EBF1: variants seen among roughly 807,000 people sequenced by gnomAD.
EBF1 encodes EBF transcription factor 1, also known as transcription factor COE1.
A neutral mutation model predicts 68.4 loss-of-function variants in EBF1; 10 were observed. The observed-to-expected ratio is 0.15, with a 90% CI of 0.09 to 0.25. The LOEUF (loss-of-function observed/expected upper bound fraction) is 0.25, where lower values mean the gene tolerates loss of function less well. EBF1 is among the 10% of genes least tolerant of loss of function. The pLI is 1.00. For synonymous variants in EBF1, 298 were observed against 299.8 expected (o/e 0.99, Z 0.06); for missense variants, 509 against 794.4 (o/e 0.64, Z 4.32).
intron 6 of EBF1, among the ~76,000 whole-genome samples, chr5:159,039,835 A>C: frequency 6.6e-6 from 1 of 152,238 alleles, no homozygotes; most frequent in Non-Finnish European, 1.5e-5. Context: ...GAATGAGTAC[A>C]GACCACCATT....
At chr5:159,095,543 G>T (rs1270873566) in intron 4 of EBF1, 77 bp downstream of exon 4, 14 of 1,549,840 alleles carry the variant, frequency 9.0e-6, no homozygotes, top group African/African-American at 1.4e-5. Flanking sequence ...GCCCACCTGC[G>T]GTGGAGCAAC....
intron 11 of EBF1, among the ~76,000 whole-genome samples, chr5:158,728,755 G>C (rs1444920481): frequency 2.0e-5 from 3 of 152,110 alleles, no homozygotes; most frequent in African/African-American, 7.2e-5. Context: ...TGTAGAGATA[G>C]GGTTTTGTGA....
intron 10 of EBF1, among the ~76,000 whole-genome samples, chr5:158,734,952 A>G (rs1268137724): frequency 6.6e-6 from 1 of 152,190 alleles, no homozygotes; most frequent in African/African-American, 2.4e-5. Context: ...CATTATCCCA[A>G]ATAGAAAAGC....
intron 6 of EBF1, among the ~76,000 whole-genome samples, chr5:159,035,690 T>A (rs1425838890): frequency 6.6e-6 from 1 of 152,192 alleles, no homozygotes; most frequent in Admixed American, 6.5e-5. Flanking sequence ...TGACTGACAT[T>A]ATCATTTTTA....
chr5:159,075,716 A>G (rs1329145669), intron 5 of EBF1, among the ~76,000 whole-genome samples: 1 of 152,188 alleles, frequency 6.6e-6, no homozygotes, highest in African/African-American at 2.4e-5. Flanking sequence ...TCACTGCCCA[A>G]GACTTTTTAA....
intron 6 of EBF1, among the ~76,000 whole-genome samples, chr5:158,937,595 A>G (rs1026900826): frequency 1.3e-5 from 2 of 152,226 alleles, no homozygotes; most frequent in Admixed American, 6.5e-5. Flanking sequence ...GGATGTAATT[A>G]CAGAAAGGAA....
intron 6 of EBF1, among the ~76,000 whole-genome samples, chr5:159,009,029 C>T (rs1343983070): frequency 1.3e-5 from 2 of 152,170 alleles, no homozygotes; most frequent in African/African-American, 4.8e-5. Context: ...CAGTGGAAAG[C>T]TCTCCCAGCC....
chr5:158,771,621 G>T (rs1235340935), intron 10 of EBF1, among the ~76,000 whole-genome samples: 1 of 152,096 alleles, frequency 6.6e-6, no homozygotes, highest in Non-Finnish European at 1.5e-5. Flanking sequence ...GAAGCTTGTG[G>T]ACTTTTTATG....
chr5:158,769,963 C>T (rs1773544332), intron 10 of EBF1, among the ~76,000 whole-genome samples: 2 of 151,656 alleles, frequency 1.3e-5, no homozygotes, highest in Admixed American at 1.3e-4. Flanking sequence ...CCTCTTTCAG[C>T]TGAATCCCTA....
rs1485069512 is a variant in EBF1, at chr5:158,958,562, G to A, written c.554+114834C>T. 1.1e-4 allele frequency among the ~76,000 whole-genome samples: 16 copies of A among 152,190 alleles called. No individual in the cohort carries two copies. The East Asian group carries it at 1.4e-3, about 13-fold the overall frequency. On this transcript the variant is annotated intron_variant, in intron 6 of 15. Transcript: ENST00000313708. ...CTGATGGTTTCCTGATTAGCATCAA[G>A]GCAAAAGCAGCATGTTTTTCATAGG...
intron 6 of EBF1, among the ~76,000 whole-genome samples, chr5:158,976,552 A>C (rs1371141275): frequency 1.3e-5 from 2 of 152,070 alleles, no homozygotes; most frequent in African/African-American, 2.4e-5. Flanking sequence ...TATTGATCAC[A>C]ATTAGATCAT....
rs556796823 is a variant in EBF1, at chr5:158,698,305, GA to G, written c.*805del. On this transcript the variant is annotated 3_prime_UTR_variant, in exon 16 of 16. Coordinates refer to ENST00000313708, the MANE Select transcript of EBF1 (RefSeq NM_024007.5). The stretch of plus-strand genomic sequence containing the variant: ...AGCTCTCGAGAGGCCATCGGCTTCA[GA>G]AGAAACTGACTTAAGTAAAAGGAGA... The G allele has an allele frequency of 2.1e-4, 47 of 222,532 alleles. No homozygotes were observed. The East Asian group carries it at 3.0e-3, about 14-fold the overall frequency. The allele number at this position is 222,532 out of a possible 1,614,324, so 13.8% of individuals were successfully genotyped here. A position where few individuals can be genotyped will look rare whatever the true frequency, so the allele number is the denominator to read the frequency against.
rs574884063 is a variant in EBF1, at chr5:159,054,986, T to G, written c.554+18410A>C. On this transcript the variant is annotated intron_variant, in intron 6 of 15. Coordinates refer to ENST00000313708, the MANE Select transcript of EBF1 (RefSeq NM_024007.5). ...TTAAATATAACAACTCAATTAGCCTTGTAAGGTGCATCATCTAAAGATCTC... is the reference window on the plus strand; with the variant it reads ...TTAAATATAACAACTCAATTAGCCTGGTAAGGTGCATCATCTAAAGATCTC... Among the ~76,000 whole-genome samples, 4 of 152,332 alleles carry G rather than the reference T, an allele frequency of 2.6e-5. No homozygotes were observed. The South Asian group carries it at 6.2e-4, about 24-fold the overall frequency.
At chr5:159,032,131 T>C (rs1769039165) in intron 6 of EBF1, among the ~76,000 whole-genome samples, 1 of 152,146 alleles carries the variant, frequency 6.6e-6, no homozygotes, top group Admixed American at 6.5e-5. Flanking sequence ...ACAAATGCCC[T>C]GTTTAATTTT....
intron 5 of EBF1, among the ~76,000 whole-genome samples, chr5:159,081,933 T>G (rs890237376): frequency 1.4e-4 from 21 of 152,112 alleles, no homozygotes; most frequent in South Asian, 2.1e-4. Context: ...AGGCAGAGAC[T>G]CTCTCAGAAT....
Position 159,014,349 on chromosome 5 carries a change from C to T in EBF1, c.554+59047G>A, listed in dbSNP as rs79997154. Among the ~76,000 whole-genome samples the T allele has an allele frequency of 8.2e-3, 1,254 of 152,232 alleles. 9 individuals carry two copies. The highest frequency in any genetic ancestry group is 0.013 in the Non-Finnish European group (891 of 68,006). ...CATGTCCCCAAAATTAACAGAAATACGGAAGGCTTTGCCATGTTTTAATTA... is the reference window on the plus strand; with the variant it reads ...CATGTCCCCAAAATTAACAGAAATATGGAAGGCTTTGCCATGTTTTAATTA... On this transcript the variant is annotated intron_variant, in intron 6 of 15. Transcript: ENST00000313708.
rs1405183359 is a variant in EBF1, at chr5:158,708,113, G to A, written c.1610C>T (p.Ser537Phe). ...STSLPSNCSS[S>F]SGIFSFSPAN... Reference sequence around the variant, plus strand: ...TGGTGAGAAGGAGAAGATGCCCGAGGAGCTGCTGCAGTTGGAGGGGAGGCT... The same window carrying A: ...TGGTGAGAAGGAGAAGATGCCCGAGAAGCTGCTGCAGTTGGAGGGGAGGCT... The change falls in exon 15 of 16, where the codon TCC becomes TTC. Residue 537 changes from serine to phenylalanine, a missense_variant. This residue lies in a region of EBF1 where 205 missense variants were observed against 247.4 expected (regional missense o/e 0.83). Transcript: ENST00000313708. 1.3e-6 allele frequency: 2 copies of A among 1,588,564 alleles called. No individual in the cohort carries two copies. Among genetic ancestry groups the A allele is most frequent in the Non-Finnish European group, 1.7e-6 (2 of 1,166,994 alleles).
intron 6 of EBF1, among the ~76,000 whole-genome samples, chr5:158,937,742 T>C (rs943402058): frequency 6.6e-6 from 1 of 151,928 alleles, no homozygotes; most frequent in Non-Finnish European, 1.5e-5. Context: ...AGAAAGAGAG[T>C]GTGAGGAATA....
intron 10 of EBF1, among the ~76,000 whole-genome samples, chr5:158,755,916 A>G (rs970974861): frequency 1.3e-5 from 2 of 152,148 alleles, no homozygotes; most frequent in Admixed American, 1.3e-4. Context: ...GTAGATAAAG[A>G]CATCTGGAAG....
Sources: allele counts gnomAD v4.1 joint callset (sites outside exome capture counted in the v4.1 genomes callset), GRCh38; gene constraint gnomAD v4.1.1; regional missense constraint gnomAD v4.1.1; transcripts MANE v1.5; gene names NCBI Gene and HGNC (gene_info 2026-07-23, HGNC 2026-07-21).